GAB1: variants seen among roughly 807,000 people sequenced by gnomAD.
The protein encoded by GAB1 is GRB2 associated binding protein 1.
A neutral mutation model predicts 66.5 loss-of-function variants in GAB1; 19 were observed. That is an observed-to-expected ratio of 0.29 (90% CI 0.20 to 0.42). The LOEUF (loss-of-function observed/expected upper bound fraction) is 0.42. Ranked by LOEUF, GAB1 falls within the 10% of genes least tolerant of loss-of-function variation. GAB1 has a pLI of 1.00. For synonymous variants in GAB1, 294 were observed against 301.4 expected (o/e 0.98, Z 0.25); for missense variants, 732 against 858.5 (o/e 0.85, Z 1.84).
intron 1 of GAB1, among the ~76,000 whole-genome samples, chr4:143,348,473 A>G (rs140369293): frequency 2.0e-5 from 3 of 152,246 alleles, no homozygotes; most frequent in Admixed American, 6.5e-5. Context: ...CTCCACACCC[A>G]GTGACCAAAC....
In GAB1 at chr4:143,471,887, A is replaced by T. The variant is rs1356138665; in HGVS notation, c.*2698A>T. ...TTTAAAATATGCACGTATAAAAACT[A>T]AATTTGAATCAAACCCTTTTAACTC... On this transcript the variant is annotated 3_prime_UTR_variant, in exon 10 of 10. Coordinates refer to ENST00000262994, the MANE Select transcript of GAB1 (RefSeq NM_002039.4). 1 of 152,202 alleles carries T rather than the reference A, an allele frequency of 6.6e-6. No individual in the cohort carries two copies. Among genetic ancestry groups the T allele is most frequent in the African/African-American group, 2.4e-5 (1 of 41,460 alleles). 9.4% of individuals were successfully genotyped at this position (152,202 alleles called of 1,614,324 possible).
intron 1 of GAB1, among the ~76,000 whole-genome samples, chr4:143,385,295 C>A (rs183716563): frequency 1.5e-3 from 235 of 152,262 alleles, no homozygotes; most frequent in Middle Eastern, 6.8e-3. Context: ...AGTCATCTGA[C>A]CTCCCTGTGT....
chr4:143,392,695 TAATG>T (rs560769736), intron 1 of GAB1, among the ~76,000 whole-genome samples: 37 of 152,278 alleles, frequency 2.4e-4, no homozygotes, highest in Non-Finnish European at 4.1e-4. Flanking sequence ...ACATTGAAGA[TAATG>T]AATATTTTGA....
In GAB1 at chr4:143,472,861, C is replaced by T. The variant is rs534947634; in HGVS notation, c.*3672C>T. 2.0e-5 allele frequency: 3 copies of T among 152,234 alleles called. No homozygotes were observed. The East Asian group carries it at 5.8e-4, about 29-fold the overall frequency. The allele number at this position is 152,234 out of a possible 1,614,324, so 9.4% of individuals were successfully genotyped here. On this transcript the variant is annotated 3_prime_UTR_variant, in exon 10 of 10. Transcript: ENST00000262994. ...TGTCAATAACATCTGATGTTACATGCACATTTATATATATATAATTTTAAA... is the reference window on the plus strand; with the variant it reads ...TGTCAATAACATCTGATGTTACATGTACATTTATATATATATAATTTTAAA...
At chr4:143,339,250 C>T (rs1728752453) in intron 1 of GAB1, among the ~76,000 whole-genome samples, 2 of 152,242 alleles carry the variant, frequency 1.3e-5, no homozygotes, top group Non-Finnish European at 2.9e-5. Context: ...GTCCTTCAGG[C>T]TCACACCTGT....
chr4:143,355,830 T>C (rs1581221210), intron 1 of GAB1, among the ~76,000 whole-genome samples: 1 of 152,288 alleles, frequency 6.6e-6, no homozygotes, highest in Middle Eastern at 3.4e-3. Flanking sequence ...GAGTGTAATC[T>C]CATTTATACC....
At chr4:143,384,400 G>C (rs1177682707) in intron 1 of GAB1, among the ~76,000 whole-genome samples, 3 of 152,160 alleles carry the variant, frequency 2.0e-5, no homozygotes, top group Non-Finnish European at 4.4e-5. Context: ...TAAGGTTAAA[G>C]TTTTTTGCAA....
chr4:143,349,282 G>T, intron 1 of GAB1: 3 of 1,129,492 alleles, frequency 2.7e-6, no homozygotes, highest in East Asian at 2.4e-5. Flanking sequence ...ACCCTACGTT[G>T]TAGCCACAGC....
chr4:143,372,362 A>G (rs140748608), intron 1 of GAB1, among the ~76,000 whole-genome samples: 2 of 152,276 alleles, frequency 1.3e-5, no homozygotes, highest in East Asian at 3.9e-4. Flanking sequence ...TATTTATTGA[A>G]TGCTTGCTGT....
intron 1 of GAB1, among the ~76,000 whole-genome samples, chr4:143,337,739 G>C (rs1460856982): frequency 6.6e-6 from 1 of 152,196 alleles, no homozygotes; most frequent in Non-Finnish European, 1.5e-5. Context: ...CTCGAGATGG[G>C]TTGCGGGAAG....
chr4:143,461,419 T>C (rs1411014742), intron 8 of GAB1, among the ~76,000 whole-genome samples: 7 of 152,164 alleles, frequency 4.6e-5, no homozygotes, highest in Admixed American at 6.5e-5. Flanking sequence ...TCTGCTTTCC[T>C]TGGGTGTGGC....
At chr4:143,370,421 C>G (rs1277782590) in intron 1 of GAB1, among the ~76,000 whole-genome samples, 2 of 152,124 alleles carry the variant, frequency 1.3e-5, no homozygotes, top group East Asian at 3.9e-4. Context: ...TGTTGCAGTC[C>G]TTGACAGATC....
At chr4:143,437,135 G>A (rs1016550054) in intron 3 of GAB1, among the ~76,000 whole-genome samples, 1 of 151,736 alleles carries the variant, frequency 6.6e-6, no homozygotes, top group Non-Finnish European at 1.5e-5. Context: ...AGTCAGGGAA[G>A]GTAAGCCCTT....
Position 143,349,295 on chromosome 4 carries a change from G to A in GAB1, c.72+12035G>A, listed in dbSNP as rs1729096204. Reference sequence around the variant, plus strand: ...AAACCCTACGTTGTAGCCACAGCTGGAGCCTGAGTCCGCTGCATGGAGACT... The same window carrying A: ...AAACCCTACGTTGTAGCCACAGCTGAAGCCTGAGTCCGCTGCATGGAGACT... On this transcript the variant is annotated intron_variant, in intron 1 of 9. Transcript: ENST00000262994. 20 of 1,192,372 alleles carry A rather than the reference G, an allele frequency of 1.7e-5. No homozygotes were observed. In the South Asian group the frequency reaches 2.5e-4, roughly 15 times the overall value. 73.9% of individuals were successfully genotyped at this position (1,192,372 alleles called of 1,614,324 possible).
At chr4:143,353,075 C>A (rs887825883) in intron 1 of GAB1, among the ~76,000 whole-genome samples, 3 of 152,028 alleles carry the variant, frequency 2.0e-5, no homozygotes, top group African/African-American at 7.3e-5. Context: ...AATGTGCATT[C>A]CTGAATCAAG....
chr4:143,342,850 A>G (rs1728870651), intron 1 of GAB1, among the ~76,000 whole-genome samples: 1 of 152,110 alleles, frequency 6.6e-6, no homozygotes. Context: ...GGTGTGAGCC[A>G]CCGTGCCCAG....
intron 1 of GAB1, among the ~76,000 whole-genome samples, chr4:143,408,020 C>G (rs1732153655): frequency 6.6e-6 from 1 of 151,912 alleles, no homozygotes; most frequent in Non-Finnish European, 1.5e-5. Context: ...TAAATTTATT[C>G]CTCTATTTTA....
intron 6 of GAB1, among the ~76,000 whole-genome samples, chr4:143,443,574 G>A (rs1036713794): frequency 3.3e-5 from 5 of 152,098 alleles, no homozygotes; most frequent in Non-Finnish European, 7.4e-5. Flanking sequence ...AGCATCAGAT[G>A]AATCTATTTT....
chr4:143,351,875 GGGTTCATAAAGCTT>G (rs1268846059), intron 1 of GAB1, among the ~76,000 whole-genome samples: 2 of 152,148 alleles, frequency 1.3e-5, no homozygotes, highest in Non-Finnish European at 2.9e-5. Flanking sequence ...TCATATAGAG[GGGTTCATAAAGCTT>G]GGTTCTTACA....
Sources: allele counts gnomAD v4.1 joint callset (sites outside exome capture counted in the v4.1 genomes callset), GRCh38; gene constraint gnomAD v4.1.1; transcripts MANE v1.5; gene names NCBI Gene and HGNC (gene_info 2026-07-23, HGNC 2026-07-21).